The following ELMOD1 variants were observed in gnomAD, a reference collection of about 807,000 sequenced individuals.
ELMOD1 encodes ELMO domain containing 1.
In ELMOD1, 21 loss-of-function variants were observed where a neutral mutation model predicts 46.7. The observed-to-expected ratio is 0.45, with a 90% confidence interval of 0.32 to 0.65. ELMOD1 has a LOEUF of 0.65. Among genes scored for constraint, ELMOD1 ranks in the 30% least tolerant of loss-of-function variants. The probability of loss-of-function intolerance (pLI) is 0.04; values close to 1 mark genes in which losing one functional copy is unlikely to be tolerated. For missense variants in ELMOD1, 348 were observed against 407.8 expected (o/e 0.85, Z 1.26); for synonymous variants, 122 against 138.2 (o/e 0.88, Z 0.82).
chr11:107,632,510 G>C (rs1290941306), intron 5 of ELMOD1, among the ~76,000 whole-genome samples: 1 of 152,148 alleles, frequency 6.6e-6, no homozygotes, highest in Admixed American at 6.5e-5. Context: ...TTGGATACTA[G>C]CTATCTAGGG....
chr11:107,657,228 A>G (rs921881398), intron 11 of ELMOD1, among the ~76,000 whole-genome samples: 1 of 152,206 alleles, frequency 6.6e-6, no homozygotes, highest in East Asian at 1.9e-4. Context: ...GTTGTATTCT[A>G]AAAAATAGAA....
At chr11:107,659,550 C>A (rs1425280647) in intron 11 of ELMOD1, among the ~76,000 whole-genome samples, 1 of 150,718 alleles carries the variant, frequency 6.6e-6, no homozygotes, top group Non-Finnish European at 1.5e-5. Flanking sequence ...AAGTTAGAAT[C>A]ATAAAGAATT....
chr11:107,650,228 G>C, intron 7 of ELMOD1, 107 bp from the exon 8 acceptor site: 1 of 746,712 alleles, frequency 1.3e-6, no homozygotes, highest in Non-Finnish European at 2.3e-6. Flanking sequence ...ATAACCTTAT[G>C]CCAGTATCCA....
rs112423966 is a variant in ELMOD1 at position 107,621,174 on chromosome 11, T to C, written c.17+2968T>C. The stretch of plus-strand genomic sequence containing the variant: ...AAGGAAAATTTTAAAGTCACCCATG[T>C]AAATCATTGCTTCCAACTGTTCCAG... On this transcript the variant is annotated intron_variant, in intron 2 of 11. Transcript: ENST00000265840. Among the ~76,000 whole-genome samples, 457 of 152,344 alleles carry C rather than the reference T, an allele frequency of 3.0e-3. 1 individual carries two copies. Among genetic ancestry groups the C allele is most frequent in the African/African-American group, 0.01 (420 of 41,594 alleles).
intron 6 of ELMOD1, among the ~76,000 whole-genome samples, chr11:107,641,825 A>G (rs919513906): frequency 6.6e-6 from 1 of 152,170 alleles, no homozygotes; most frequent in Non-Finnish European, 1.5e-5. Context: ...TGAGATAAAA[A>G]CATTTCAGGT....
chr11:107,648,019 T>C (rs1345315101), intron 7 of ELMOD1, among the ~76,000 whole-genome samples: 1 of 152,160 alleles, frequency 6.6e-6, no homozygotes, highest in Non-Finnish European at 1.5e-5. Context: ...TTTTAATATG[T>C]AGTTCTAAAA....
At chr11:107,660,338 T>G (rs1458217398) in intron 11 of ELMOD1, among the ~76,000 whole-genome samples, 2 of 152,330 alleles carry the variant, frequency 1.3e-5, no homozygotes, top group East Asian at 3.9e-4. Context: ...TCCATCCTTC[T>G]GACGTTACAG....
chr11:107,615,382 C>T (rs939423002), intron 1 of ELMOD1, among the ~76,000 whole-genome samples: 27 of 151,852 alleles, frequency 1.8e-4, no homozygotes, highest in Admixed American at 8.5e-4. Context: ...ATTACAGGCA[C>T]GCGCTGCCAC....
At chr11:107,646,114 C>T (rs1166528510) in intron 6 of ELMOD1, among the ~76,000 whole-genome samples, 1 of 152,114 alleles carries the variant, frequency 6.6e-6, no homozygotes, top group Non-Finnish European at 1.5e-5. Flanking sequence ...TTTACATGCC[C>T]ATCTCTATTA....
chr11:107,625,355 C>G, intron 2 of ELMOD1: 1 of 943,966 alleles, frequency 1.1e-6, no homozygotes, highest in Non-Finnish European at 1.3e-6. Flanking sequence ...TATTTTTGTA[C>G]ATATCTTTCA....
chr11:107,630,989 T>C (rs1258646626), intron 4 of ELMOD1, among the ~76,000 whole-genome samples: 1 of 152,144 alleles, frequency 6.6e-6, no homozygotes, highest in Non-Finnish European at 1.5e-5. Flanking sequence ...TCCCAAATCA[T>C]AAAATAAATA....
At chr11:107,663,460 C>T (rs559126) in intron 11 of ELMOD1, among the ~76,000 whole-genome samples, 34,399 of 151,348 alleles carry the variant, frequency 0.23, 7,665 homozygotes, top group African/African-American at 0.57. Flanking sequence ...GCCTGAGCAA[C>T]ATTGCAAGAT....
chr11:107,617,758 C>A (rs1865886540), intron 1 of ELMOD1, among the ~76,000 whole-genome samples: 1 of 152,070 alleles, frequency 6.6e-6, no homozygotes, highest in Admixed American at 6.6e-5. Flanking sequence ...ATCTGGAAAT[C>A]CAGTTGGTTA....
chr11:107,656,308 A>G (rs1465590758), intron 11 of ELMOD1, among the ~76,000 whole-genome samples: 1 of 151,688 alleles, frequency 6.6e-6, no homozygotes, highest in African/African-American at 2.4e-5. Context: ...TAATTACTTG[A>G]ACCCAGCAGA....
intron 1 of ELMOD1, chr11:107,592,272 C>A: frequency 1.9e-6 from 1 of 515,998 alleles, no homozygotes. Flanking sequence ...TTCTGCTCTG[C>A]ACAGTGCCCT....
intron 9 of ELMOD1, among the ~76,000 whole-genome samples, chr11:107,651,590 G>A (rs1362222024): frequency 2.0e-5 from 3 of 151,934 alleles, no homozygotes; most frequent in African/African-American, 4.8e-5. Flanking sequence ...TATTTTATAC[G>A]ATTAAAAATT....
intron 9 of ELMOD1, among the ~76,000 whole-genome samples, chr11:107,653,101 C>T (rs1446176962): frequency 6.6e-6 from 1 of 152,114 alleles, no homozygotes; most frequent in Non-Finnish European, 1.5e-5. Flanking sequence ...TGTTAAATTA[C>T]ATCTCTATCT....
rs1565395694 is a variant in ELMOD1, at chr11:107,665,966, TAAATAAATAAA to T, written c.*770_*780del. The stretch of plus-strand genomic sequence containing the variant: ...ACAGAGCAAGACTCCATCTCAAAAA[TAAATAAATAAA>T]TAAATAAATAAATAAATAAATAAAT... On this transcript the variant is annotated 3_prime_UTR_variant, in exon 12 of 12. Coordinates refer to ENST00000265840, the MANE Select transcript of ELMOD1 (RefSeq NM_018712.4). The T allele has an allele frequency of 1.6e-5, 1 of 62,914 alleles. No individual in the cohort carries two copies. The highest frequency in any genetic ancestry group is 1.3e-4 in the African/African-American group (1 of 7,680). 3.9% of individuals were successfully genotyped at this position (62,914 alleles called of 1,614,324 possible). A position where few individuals can be genotyped will look rare whatever the true frequency, so the allele number is the denominator to read the frequency against.
chr11:107,642,948 T>C, intron 6 of ELMOD1: 1 of 338,376 alleles, frequency 3.0e-6, no homozygotes, highest in Non-Finnish European at 5.9e-6. Context: ...TACAATCAGG[T>C]TATCCTTGGA....
Sources: gnomAD v4.1 joint callset for allele counts (sites outside exome capture counted in the v4.1 genomes callset) on GRCh38, gnomAD v4.1.1 for gene constraint, MANE v1.5 for transcripts, NCBI Gene and HGNC (gene_info 2026-07-23, HGNC 2026-07-21) for gene names.